FKBP5: variants seen among roughly 807,000 people sequenced by gnomAD.
The protein encoded by FKBP5 is FKBP prolyl isomerase 5, also known as peptidyl-prolyl cis-trans isomerase FKBP5.
In FKBP5, 23 loss-of-function variants were observed where a neutral mutation model predicts 50.5. The observed-to-expected ratio is 0.46, with a 90% CI of 0.33 to 0.65. The LOEUF is 0.65. Ranked by LOEUF, FKBP5 falls within the 30% of genes least tolerant of loss-of-function variation. The pLI is 0.02. For synonymous variants in FKBP5, 176 were observed against 190.6 expected (o/e 0.92, Z 0.63); for missense variants, 411 against 553.1 (o/e 0.74, Z 2.58).
At chr6:35,600,730 G>A (rs1763122131) in intron 5 of FKBP5, among the ~76,000 whole-genome samples, 1 of 152,118 alleles carries the variant, frequency 6.6e-6, no homozygotes, top group Non-Finnish European at 1.5e-5. Context: ...GAAATTATCA[G>A]TACATTTGTT....
chr6:35,622,069 G>C (rs1403651748), intron 3 of FKBP5, among the ~76,000 whole-genome samples: 4 of 152,170 alleles, frequency 2.6e-5, no homozygotes, highest in Non-Finnish European at 4.4e-5. Flanking sequence ...GAAGTGAGCT[G>C]GTGGTAGGAT....
chr6:35,670,885 T>C (rs1162058795), intron 1 of FKBP5, among the ~76,000 whole-genome samples: 1 of 152,070 alleles, frequency 6.6e-6, no homozygotes, highest in East Asian at 1.9e-4. Context: ...TTAAAAAATA[T>C]AAATGCACAC....
chr6:35,580,911 ACTTTT>A lies in FKBP5; in HGVS notation c.841-695_841-691del. 9 of 985,328 alleles carry A rather than the reference ACTTTT, an allele frequency of 9.1e-6. No individual in the cohort carries two copies. In the South Asian group the frequency reaches 3.3e-4, roughly 36 times the overall value. 61.0% of individuals were successfully genotyped at this position (985,328 alleles called of 1,614,324 possible). Reference sequence around the variant, plus strand: ...CCACTAAAAAAATGAAAAGGAAGTTACTTTTCTTTTCAGCACTTCACAGCAAATAT... The same window carrying A: ...CCACTAAAAAAATGAAAAGGAAGTTACTTTTCAGCACTTCACAGCAAATAT... On this transcript the variant is annotated intron_variant, in intron 8 of 10. Transcript: ENST00000357266.
At chr6:35,610,591 A>G (rs569400925) in intron 5 of FKBP5, among the ~76,000 whole-genome samples, 4 of 147,980 alleles carry the variant, frequency 2.7e-5, no homozygotes, top group Non-Finnish European at 3.0e-5. Context: ...AAAAAAAAAA[A>G]GTTTCAAAAA....
At chr6:35,582,687 A>C (rs1762472747) in intron 8 of FKBP5, 2 of 985,308 alleles carry the variant, frequency 2.0e-6, no homozygotes, top group Non-Finnish European at 2.4e-6. Context: ...ACAATACTTA[A>C]ATTTTGTCAT....
At chr6:35,590,712 G>A (rs1262130567) in intron 7 of FKBP5, among the ~76,000 whole-genome samples, 1 of 151,938 alleles carries the variant, frequency 6.6e-6, no homozygotes, top group Non-Finnish European at 1.5e-5. Context: ...AGGCCTCTTC[G>A]TGACTCCTGT....
intron 5 of FKBP5, among the ~76,000 whole-genome samples, chr6:35,605,361 TAA>T (rs1763275797): frequency 7.5e-6 from 1 of 133,684 alleles, no homozygotes; most frequent in South Asian, 2.7e-4. Flanking sequence ...TTCAAAATAA[TAA>T]GAGCCACCTA....
intron 2 of FKBP5, among the ~76,000 whole-genome samples, chr6:35,710,353 G>A (rs140775952): frequency 3.3e-5 from 5 of 152,116 alleles, no homozygotes; most frequent in African/African-American, 1.2e-4. Context: ...TGGTGTGCCT[G>A]CAGTTCCAGC....
At chr6:35,667,019 CTGTGTG>C (rs35407744) in intron 1 of FKBP5, among the ~76,000 whole-genome samples, 3,195 of 148,868 alleles carry the variant, frequency 0.021, 52 homozygotes, top group South Asian at 0.035. Flanking sequence ...GTGTGTGTGT[CTGTGTG>C]TGTGTGTGTG....
chr6:35,641,398 A>G (rs1014501148), intron 2 of FKBP5, among the ~76,000 whole-genome samples: 1 of 152,228 alleles, frequency 6.6e-6, no homozygotes, highest in African/African-American at 2.4e-5. Flanking sequence ...AGTATTATGT[A>G]CTATACATAA....
intron 2 of FKBP5, among the ~76,000 whole-genome samples, chr6:35,715,288 T>G (rs780016533): frequency 6.6e-6 from 1 of 152,162 alleles, no homozygotes; most frequent in Non-Finnish European, 1.5e-5. Context: ...CTCCGCCACT[T>G]ACTAGGCACG....
At chr6:35,699,813 G>A (rs1282190615) in intron 2 of FKBP5, among the ~76,000 whole-genome samples, 5 of 152,136 alleles carry the variant, frequency 3.3e-5, no homozygotes, top group South Asian at 2.1e-4. Flanking sequence ...TTGGGAGGCC[G>A]ATGCGGGCAG....
chr6:35,604,438 T>C (rs1175870648), intron 5 of FKBP5, among the ~76,000 whole-genome samples: 1 of 152,252 alleles, frequency 6.6e-6, no homozygotes, highest in Admixed American at 6.5e-5. Flanking sequence ...CCAAGTACCA[T>C]ATTACATTAT....
intron 1 of FKBP5, among the ~76,000 whole-genome samples, chr6:35,671,267 A>G (rs1379897721): frequency 6.6e-6 from 1 of 151,384 alleles, no homozygotes; most frequent in Non-Finnish European, 1.5e-5. Flanking sequence ...CTGTCTCAAA[A>G]AAAAAAAAAA....
chr6:35,652,357 G>A (rs1764827089), intron 1 of FKBP5, among the ~76,000 whole-genome samples: 1 of 152,244 alleles, frequency 6.6e-6, no homozygotes, highest in African/African-American at 2.4e-5. Flanking sequence ...GACCGCCGGT[G>A]AGCCGGGCAG....
At chr6:35,638,042 C>T (rs1764366346) in intron 2 of FKBP5, among the ~76,000 whole-genome samples, 1 of 152,056 alleles carries the variant, frequency 6.6e-6, no homozygotes, top group Non-Finnish European at 1.5e-5. Flanking sequence ...TGATATGATA[C>T]TGAATAACTT....
At chr6:35,726,536 C>CCACACACA (rs10599241) in intron 1 of FKBP5, among the ~76,000 whole-genome samples, 67 of 139,442 alleles carry the variant, frequency 4.8e-4, no homozygotes, top group Middle Eastern at 3.6e-3. Flanking sequence ...TCCTCCTCCT[C>CCACACACA]CACACACACA....
intron 1 of FKBP5, among the ~76,000 whole-genome samples, chr6:35,685,413 T>C (rs1359346514): frequency 6.6e-6 from 1 of 152,222 alleles, no homozygotes; most frequent in Non-Finnish European, 1.5e-5. Flanking sequence ...TTTGGGGATA[T>C]GATGTCAGAA....
chr6:35,588,573 C>G (rs1373914369), intron 7 of FKBP5, among the ~76,000 whole-genome samples: 1 of 151,350 alleles, frequency 6.6e-6, no homozygotes, highest in African/African-American at 2.4e-5. Flanking sequence ...GCTCTGTTGT[C>G]TTTTCTTTTT....
Sources: allele counts gnomAD v4.1 joint callset (sites outside exome capture counted in the v4.1 genomes callset), GRCh38; gene constraint gnomAD v4.1.1; transcripts MANE v1.5; gene names NCBI Gene and HGNC (gene_info 2026-07-23, HGNC 2026-07-21).